CDH2: variants seen among roughly 807,000 people sequenced by gnomAD.
The protein encoded by CDH2 is cadherin-2.
CDH2 carries 17 observed loss-of-function variants against 92.0 expected under a neutral mutation model. The observed-to-expected ratio is 0.18, with a 90% CI of 0.13 to 0.28. CDH2 has a LOEUF of 0.28. CDH2 is among the 10% of genes least tolerant of loss of function. CDH2 has a pLI of 1.00. For synonymous variants in CDH2, 419 were observed against 415.9 expected, an observed-to-expected ratio of 1.01 and a Z score of -0.09; for missense variants, 862 against 1,133.1, an observed-to-expected ratio of 0.76 and a Z score of 3.44.
intron 15 of CDH2, among the ~76,000 whole-genome samples, chr18:27,953,069 G>T (rs1490319104): frequency 1.3e-5 from 2 of 152,086 alleles, no homozygotes; most frequent in Non-Finnish European, 2.9e-5. Flanking sequence ...ATAAAATGTG[G>T]AATTAATTAA....
At chr18:28,138,464 C>T (rs1354809282) in intron 2 of CDH2, among the ~76,000 whole-genome samples, 1 of 152,064 alleles carries the variant, frequency 6.6e-6, no homozygotes, top group Admixed American at 6.6e-5. Flanking sequence ...GTATCAAGAC[C>T]CACGAAGTAT....
At chr18:27,955,407 T>C (rs1441197699) in intron 15 of CDH2, among the ~76,000 whole-genome samples, 3 of 112,526 alleles carry the variant, frequency 2.7e-5, no homozygotes, top group Non-Finnish European at 3.8e-5. Flanking sequence ...AAAAAGAGAA[T>C]GACAAGTTAA....
chr18:28,161,760 C>T (rs995923570), intron 1 of CDH2, among the ~76,000 whole-genome samples: 8 of 151,958 alleles, frequency 5.3e-5, no homozygotes, highest in African/African-American at 1.5e-4. Flanking sequence ...ATTTGGGGAC[C>T]GTCAGAGTGT....
chr18:28,133,969 G>T (rs2015818592), intron 2 of CDH2, among the ~76,000 whole-genome samples: 1 of 151,944 alleles, frequency 6.6e-6, no homozygotes, highest in African/African-American at 2.4e-5. Flanking sequence ...GACCAGCCTG[G>T]GCAACATAGC....
At chr18:28,172,030 T>C (rs531444346) in intron 1 of CDH2, among the ~76,000 whole-genome samples, 2 of 152,194 alleles carry the variant, frequency 1.3e-5, no homozygotes, top group South Asian at 4.1e-4. Context: ...GTACTCAGTG[T>C]TGCAGGAGAC....
At chr18:28,158,577 T>C (rs774472329) in intron 1 of CDH2, among the ~76,000 whole-genome samples, 2 of 152,206 alleles carry the variant, frequency 1.3e-5, no homozygotes, top group African/African-American at 2.4e-5. Flanking sequence ...TGCTTTCCAC[T>C]GCCCAGTCAG....
At chr18:28,069,903 G>A (rs1439867050) in intron 2 of CDH2, among the ~76,000 whole-genome samples, 1 of 152,106 alleles carries the variant, frequency 6.6e-6, no homozygotes, top group East Asian at 1.9e-4. Context: ...CCATAAAAAT[G>A]TAATGCAAGT....
chr18:28,014,489 A>G (rs1370485583), intron 2 of CDH2, among the ~76,000 whole-genome samples: 1 of 152,160 alleles, frequency 6.6e-6, no homozygotes, highest in Non-Finnish European at 1.5e-5. Flanking sequence ...TTAATGTTGA[A>G]TGTTTACTAT....
At chr18:28,018,094 T>C (rs371290490) in intron 2 of CDH2, among the ~76,000 whole-genome samples, 5 of 151,808 alleles carry the variant, frequency 3.3e-5, no homozygotes, top group African/African-American at 1.2e-4. Context: ...AAATCAGTAG[T>C]TCTGTTATAC....
intron 2 of CDH2, among the ~76,000 whole-genome samples, chr18:28,022,084 A>G (rs1938100079): frequency 6.6e-6 from 1 of 152,032 alleles, no homozygotes; most frequent in East Asian, 1.9e-4. Context: ...ATATATTCCA[A>G]TGGAGAATGG....
intron 4 of CDH2, among the ~76,000 whole-genome samples, chr18:28,010,550 T>C (rs2013065523): frequency 6.6e-6 from 1 of 152,136 alleles, no homozygotes; most frequent in Non-Finnish European, 1.5e-5. Context: ...AGTCAATGTA[T>C]GAGCAGTCAC....
At position 27,993,655 on chromosome 18, in the gene CDH2, TAAG is replaced by T. The variant is rs774785974; in HGVS notation, c.1021-21_1021-19del. ...TGCACTTTCTAAAAAGACATAAAGA[TAAG>T]AACTTAAATGAAACTAATTCCTCAA... On this transcript the variant is annotated intron_variant, in intron 7 of 15. Coordinates refer to ENST00000269141, the MANE Select transcript of CDH2 (RefSeq NM_001792.5). 3 of 1,587,798 alleles carry T rather than the reference TAAG, an allele frequency of 1.9e-6. No homozygotes were observed. The highest frequency in any genetic ancestry group is 2.7e-5 in the African/African-American group (2 of 74,236).
At chr18:28,110,104 A>G (rs1360976327) in intron 2 of CDH2, among the ~76,000 whole-genome samples, 2 of 152,238 alleles carry the variant, frequency 1.3e-5, no homozygotes, top group East Asian at 3.9e-4. Context: ...TTCTGAATTA[A>G]GAACTTGGTG....
At chr18:28,054,852 AT>A (rs909844830) in intron 2 of CDH2, among the ~76,000 whole-genome samples, 1 of 151,988 alleles carries the variant, frequency 6.6e-6, no homozygotes, top group Admixed American at 6.6e-5. Flanking sequence ...ATACTCCTAA[AT>A]TTTTTCTTGG....
intron 1 of CDH2, among the ~76,000 whole-genome samples, chr18:28,176,063 G>A (rs1034429978): frequency 5.9e-5 from 9 of 152,356 alleles, no homozygotes; most frequent in African/African-American, 2.2e-4. Flanking sequence ...GTGCAGTGGC[G>A]AGGGAACCTG....
chr18:27,939,847 C>G (rs567477472), intron 6 of CDH2, among the ~76,000 whole-genome samples: 1 of 152,306 alleles, frequency 6.6e-6, no homozygotes, highest in Non-Finnish European at 1.5e-5. Context: ...TCTGATAGTA[C>G]TGCTGGCAGA....
chr18:28,093,737 T>C (rs1042167833), intron 2 of CDH2, among the ~76,000 whole-genome samples: 8 of 152,210 alleles, frequency 5.3e-5, no homozygotes, highest in Non-Finnish European at 1.2e-4. Context: ...TTTTATACAT[T>C]ATACTGAAAA....
intron 2 of CDH2, among the ~76,000 whole-genome samples, chr18:28,079,649 G>A (rs2014789101): frequency 6.6e-6 from 1 of 152,168 alleles, no homozygotes; most frequent in Admixed American, 6.6e-5. Flanking sequence ...CTCAATTCCA[G>A]TTCTGCTATC....
intron 2 of CDH2, among the ~76,000 whole-genome samples, chr18:28,066,210 A>C (rs555767393): frequency 3.3e-5 from 5 of 152,338 alleles, no homozygotes; most frequent in South Asian, 2.1e-4. Context: ...AATTGCACAC[A>C]GGAAGAAGAA....
Sources: allele counts gnomAD v4.1 joint callset (sites outside exome capture counted in the v4.1 genomes callset), GRCh38; gene constraint gnomAD v4.1.1; transcripts MANE v1.5; gene names NCBI Gene and HGNC (gene_info 2026-07-23, HGNC 2026-07-21).